Variants in AP3M2 observed in about 807,000 individuals in gnomAD.
AP3M2 encodes the protein AP-3 complex subunit mu-2.
AP3M2 carries 28 observed loss-of-function variants against 41.6 expected under a neutral mutation model. The ratio of observed to expected loss-of-function variants is 0.67; its 90% CI spans 0.50 to 0.92. The LOEUF is 0.92. Among genes scored for constraint, AP3M2 ranks in the 40% least tolerant of loss-of-function variants. AP3M2 has a pLI of 0.00. For missense variants in AP3M2, 427 were observed against 521.4 expected, an observed-to-expected ratio of 0.82 and a Z score of 1.76; for synonymous variants, 193 against 186.4, an observed-to-expected ratio of 1.04 and a Z score of -0.29.
chr8:42,162,148 A>G, intron 3 of AP3M2, 133 bp from the exon 4 acceptor site: 1 of 867,316 alleles, frequency 1.2e-6, no homozygotes, highest in Non-Finnish European at 1.7e-6. Context: ...AAGTTGGGAA[A>G]AACCTCATCT....
In AP3M2 at chr8:42,165,495, C is replaced by T. The variant is rs1185113051; in HGVS notation, c.738C>T (p.Arg246=). Residue 246 remains arginine, a synonymous_variant, in exon 6 of 9, where the codon CGC becomes CGT. Transcript: ENST00000396926. ...GTTTCAAACGCTGGGAATCTGAGCG[C>T]ATCCTCTCCTTCATCCCTCCTGATG... ...CVRFKRWESE[R]ILSFIPPDGN... The T allele has an allele frequency of 1.2e-6, 2 of 1,614,104 alleles. No individual in the cohort carries two copies. Among genetic ancestry groups the T allele is most frequent in the African/African-American group, 2.7e-5 (2 of 74,938 alleles).
At chr8:42,166,877 A>G (rs1301688317) in intron 6 of AP3M2, 1 of 384,388 alleles carries the variant, frequency 2.6e-6, no homozygotes. Context: ...AGACATAATG[A>G]CAATACATTT....
intron 6 of AP3M2, among the ~76,000 whole-genome samples, chr8:42,166,630 G>C (rs1008414129): frequency 1.5e-5 from 2 of 136,844 alleles, no homozygotes; most frequent in African/African-American, 5.5e-5. Flanking sequence ...AGCGGGGTGT[G>C]ATGTTGTGTG....
At chr8:42,161,018 A>T (rs1396400746) in intron 3 of AP3M2, among the ~76,000 whole-genome samples, 2 of 152,222 alleles carry the variant, frequency 1.3e-5, no homozygotes, top group African/African-American at 4.8e-5. Context: ...TGAAAAGTTG[A>T]AATGGGCCTG....
chr8:42,164,068 G>C (rs547543525), intron 4 of AP3M2, among the ~76,000 whole-genome samples: 2 of 152,160 alleles, frequency 1.3e-5, no homozygotes, highest in Non-Finnish European at 2.9e-5. Context: ...GAGCAGCTAC[G>C]AGGCTGAAAT....
At chr8:42,160,030 A>G (rs1207876141) in intron 3 of AP3M2, among the ~76,000 whole-genome samples, 1 of 152,202 alleles carries the variant, frequency 6.6e-6, no homozygotes, top group East Asian at 1.9e-4. Flanking sequence ...GTCCTACCAG[A>G]TATCAGATAT....
In AP3M2 at chr8:42,170,050, TC is replaced by T. The variant is rs146167866; in HGVS notation, c.*992del. 17,445 of 152,216 alleles carry T rather than the reference TC, an allele frequency of 0.11. 1,475 individuals carry two copies. The highest frequency in any genetic ancestry group is 0.17 in the Non-Finnish European group (11,247 of 68,042). The allele number at this position is 152,216 out of a possible 1,614,324, so 9.4% of individuals were successfully genotyped here. On this transcript the variant is annotated 3_prime_UTR_variant, in exon 9 of 9. Coordinates refer to ENST00000396926, the MANE Select transcript of AP3M2 (RefSeq NM_006803.4). ...CGTACTGGAGTAGAGGGCCGACTCT[TC>T]CCATGAAGGTGAGCACAGCTGTGAG...
rs768497553 is a variant in AP3M2, at chr8:42,167,244, TGGGACCCAA to T, written c.886_894del (p.Gly296_Lys298del). 1.2e-6 allele frequency: 2 copies of T among 1,613,860 alleles called. No individual in the cohort carries two copies. The highest frequency in any genetic ancestry group is 8.5e-7 in the Non-Finnish European group (1 of 1,179,992). ...TCCCTTGGACGCTTTGAAATAACGG[TGGGACCCAA>T]GCAGACGATGGGGAAGACCATTGAG... On this transcript the variant is annotated inframe_deletion, in exon 7 of 9. Transcript: ENST00000396926.
At chr8:42,157,522 T>G (rs1185550564) in intron 2 of AP3M2, among the ~76,000 whole-genome samples, 1 of 152,248 alleles carries the variant, frequency 6.6e-6, no homozygotes, top group Non-Finnish European at 1.5e-5. Context: ...TCTTATTCAC[T>G]GCATGAATGT....
At chr8:42,168,548 C>A (rs1268515166) in intron 8 of AP3M2, among the ~76,000 whole-genome samples, 1 of 152,160 alleles carries the variant, frequency 6.6e-6, no homozygotes, top group Non-Finnish European at 1.5e-5. Context: ...TTGGCTTAGT[C>A]TAGTGAGAAT....
rs1804603689 is a variant in AP3M2 at position 42,165,082 on chromosome 8, A to G, written c.595A>G (p.Thr199Ala). 1 of 1,613,802 alleles carries G rather than the reference A, an allele frequency of 6.2e-7. No individual in the cohort carries two copies. Among genetic ancestry groups the G allele is most frequent in the East Asian group, 2.2e-5 (1 of 44,866 alleles). The change falls in exon 5 of 9, where the codon ACT becomes GCT. Residue 199 changes from threonine (T) to alanine (A), a missense_variant. This residue lies in a region of AP3M2 where 237 missense variants were observed against 284.9 expected (regional missense o/e 0.83). Coordinates refer to ENST00000396926, the MANE Select transcript of AP3M2 (RefSeq NM_006803.4). ...AIIDKSGSTI[T>A]AEIQGVIDAC... ...TATTCCTGTCTCAGGCTCCACAATT[A>G]CTGCTGAGATCCAGGGGGTGATTGA...
At chr8:42,165,742 T>C (rs1028010660) in intron 6 of AP3M2, 182 bp downstream of exon 6, 1 of 576,482 alleles carries the variant, frequency 1.7e-6, no homozygotes, top group African/African-American at 1.9e-5. Context: ...TTCTCATCTG[T>C]AAATTGAAAA....
chr8:42,164,192 G>A (rs150663591), intron 4 of AP3M2, among the ~76,000 whole-genome samples: 15 of 152,342 alleles, frequency 9.8e-5, no homozygotes, highest in African/African-American at 3.4e-4. Context: ...GATGTGGGCG[G>A]GAGAAGTGGA....
chr8:42,164,319 A>G (rs1479624418), intron 4 of AP3M2, among the ~76,000 whole-genome samples: 1 of 152,176 alleles, frequency 6.6e-6, no homozygotes, highest in Non-Finnish European at 1.5e-5. Flanking sequence ...CTCATTTCTG[A>G]CATGTGCCTC....
intron 1 of AP3M2, chr8:42,153,672 TTGGAGG>T (rs1178545451): frequency 6.6e-6 from 1 of 151,812 alleles, no homozygotes; most frequent in African/African-American, 2.4e-5. Flanking sequence ...TTTTTTTTTT[TTGGAGG>T]TGGAGGGGGC....
At chr8:42,165,616 C>G (rs1225957922) in intron 6 of AP3M2, 56 bp downstream of exon 6, 5 of 1,593,918 alleles carry the variant, frequency 3.1e-6, no homozygotes, top group Non-Finnish European at 2.6e-6. Context: ...TATGTGGAAA[C>G]CGTATCTGTG....
Position 42,158,043 on chromosome 8 carries a change from G to C in AP3M2, c.376G>C (p.Glu126Gln), listed in dbSNP as rs769186275. The C allele has an allele frequency of 6.2e-7, 1 of 1,613,982 alleles. No homozygotes were observed. The highest frequency in any genetic ancestry group is 8.5e-7 in the Non-Finnish European group (1 of 1,180,032). Residue 126 changes from glutamate to glutamine, a missense_variant, in exon 3 of 9, where the codon GAG becomes CAG. Transcript: ENST00000396926. ...TGACAATGGTTTTCCATTGGCTACCGAGTCGAACATTCTTAAAGAACTCAT... is the reference window on the plus strand; with the variant it reads ...TGACAATGGTTTTCCATTGGCTACCCAGTCGAACATTCTTAAAGAACTCAT... ...MLDNGFPLAT[E>Q]SNILKELIKP...
intron 2 of AP3M2, 90 bp downstream of exon 2, chr8:42,155,050 T>TAA: frequency 1.6e-5 from 15 of 958,452 alleles, no homozygotes; most frequent in South Asian, 3.8e-5. Flanking sequence ...TTAAGAAACT[T>TAA]AAAAAAAAAA....
At chr8:42,167,872 G>A (rs562694308) in intron 8 of AP3M2, 62 bp downstream of exon 8, 70 of 1,547,730 alleles carry the variant, frequency 4.5e-5, no homozygotes, top group East Asian at 3.2e-4. Context: ...GCCATATGGC[G>A]CAGGCACCAG....
Sources: gnomAD v4.1 joint callset for allele counts (sites outside exome capture counted in the v4.1 genomes callset) on GRCh38, gnomAD v4.1.1 for gene constraint, gnomAD v4.1.1 regional missense constraint, MANE v1.5 for transcripts, NCBI Gene and HGNC (gene_info 2026-07-23, HGNC 2026-07-21) for gene names.